GRIN2B: variants seen among roughly 807,000 people sequenced by gnomAD.
GRIN2B encodes the protein glutamate ionotropic receptor NMDA type subunit 2B.
In GRIN2B, 5 loss-of-function variants were observed where a neutral mutation model predicts 114.5. The observed-to-expected ratio is 0.04, with a 90% CI of 0.02 to 0.09. The LOEUF is 0.09. GRIN2B is among the 10% of genes least tolerant of loss of function. GRIN2B has a pLI of 1.00. For synonymous variants in GRIN2B, 787 were observed against 745.1 expected (o/e 1.06, Z -0.92); for missense variants, 1,108 against 1,943.5 (o/e 0.57, Z 8.08).
intron 10 of GRIN2B, among the ~76,000 whole-genome samples, chr12:13,572,412 G>T (rs1948718860): frequency 2.0e-5 from 3 of 152,140 alleles, no homozygotes; most frequent in African/African-American, 7.2e-5. Flanking sequence ...TAGGGCCTTA[G>T]TGAGGTGAGC....
chr12:13,791,535 C>CT, intron 3 of GRIN2B, among the ~76,000 whole-genome samples: 1 of 152,136 alleles, frequency 6.6e-6, no homozygotes, highest in South Asian at 2.1e-4. Context: ...ACAGAATGCA[C>CT]CATGGACAGT....
At chr12:13,929,731 A>T (rs1186271326) in intron 2 of GRIN2B, among the ~76,000 whole-genome samples, 1 of 152,226 alleles carries the variant, frequency 6.6e-6, no homozygotes, top group Non-Finnish European at 1.5e-5. Flanking sequence ...ATTTACAAGC[A>T]GTCATGAAAC....
At chr12:13,699,811 A>AC (rs1950293959) in intron 4 of GRIN2B, among the ~76,000 whole-genome samples, 1 of 147,834 alleles carries the variant, frequency 6.8e-6, no homozygotes, top group African/African-American at 2.5e-5. Context: ...CTGGTCTTGA[A>AC]CTCCTGACCT....
chr12:13,748,887 A>G (rs1405486981), intron 4 of GRIN2B, among the ~76,000 whole-genome samples: 1 of 152,244 alleles, frequency 6.6e-6, no homozygotes, highest in Non-Finnish European at 1.5e-5. Flanking sequence ...AATATGTCCC[A>G]TGCAATATTT....
At chr12:13,750,504 T>C (rs1863464656) in intron 4 of GRIN2B, among the ~76,000 whole-genome samples, 1 of 152,220 alleles carries the variant, frequency 6.6e-6, no homozygotes, top group Admixed American at 6.5e-5. Flanking sequence ...AAGGTAACAT[T>C]CACTTGATTT....
In GRIN2B at chr12:13,540,362, T is replaced by C. The variant is rs1948260911; in HGVS notation, c.*22421A>G. 6.6e-6 allele frequency: 1 copy of C among 152,168 alleles called. No homozygotes were observed. Among genetic ancestry groups the C allele is most frequent in the Non-Finnish European group, 1.5e-5 (1 of 68,038 alleles). The allele number at this position is 152,168 out of a possible 1,614,324, so 9.4% of individuals were successfully genotyped here. ...ACAGCTTTTATACATCACAAAGTTTTTCTTGTTTTTTTATGTTGTCTTTTT... is the reference window on the plus strand; with the variant it reads ...ACAGCTTTTATACATCACAAAGTTTCTCTTGTTTTTTTATGTTGTCTTTTT... On this transcript the variant is annotated 3_prime_UTR_variant, in exon 14 of 14. Transcript: ENST00000609686.
At chr12:13,768,149 C>G (rs1025898928) in intron 3 of GRIN2B, among the ~76,000 whole-genome samples, 4 of 152,206 alleles carry the variant, frequency 2.6e-5, no homozygotes, top group Non-Finnish European at 5.9e-5. Context: ...GATATGTCAA[C>G]TCATCATATC....
chr12:13,965,669 T>C (rs1391833130), intron 2 of GRIN2B, among the ~76,000 whole-genome samples: 2 of 152,200 alleles, frequency 1.3e-5, no homozygotes, highest in Non-Finnish European at 2.9e-5. Flanking sequence ...AGATGGCTTT[T>C]ACTGCTTTCC....
chr12:13,564,706 T>A lies in GRIN2B; in HGVS notation c.2599-67A>T, dbSNP rs576707377. 39 of 1,358,682 alleles carry A rather than the reference T, an allele frequency of 2.9e-5. 1 individual carries two copies. In the East Asian group the frequency reaches 6.6e-4, roughly 23 times the overall value. 84.2% of individuals were successfully genotyped at this position (1,358,682 alleles called of 1,614,324 possible). A position where few individuals can be genotyped will look rare whatever the true frequency, so the allele number is the denominator to read the frequency against. ...CTAGAAATGACCACAAAAAACACTC[T>A]CCCACCAATAATTGCTCCAACTGGA... On this transcript the variant is annotated intron_variant, in intron 13 of 13. Transcript: ENST00000609686. This position sits in a 1 kb window ranked among gnomAD's most constrained non-coding sequence, Gnocchi z 4.8.
At chr12:13,746,151 A>T (rs767731972) in intron 4 of GRIN2B, among the ~76,000 whole-genome samples, 14 of 152,262 alleles carry the variant, frequency 9.2e-5, no homozygotes, top group Non-Finnish European at 2.1e-4. Flanking sequence ...TTTTAAACAG[A>T]GTGATCAGGG....
chr12:13,625,622 T>C (rs1949557634), intron 5 of GRIN2B, among the ~76,000 whole-genome samples: 1 of 152,238 alleles, frequency 6.6e-6, no homozygotes, highest in Admixed American at 6.5e-5. Flanking sequence ...ACATAATTTT[T>C]TGTGCAAGTG....
chr12:13,694,269 G>A (rs2136561277), intron 4 of GRIN2B, among the ~76,000 whole-genome samples: 2 of 152,170 alleles, frequency 1.3e-5, no homozygotes, highest in South Asian at 4.2e-4. Flanking sequence ...TTATACAACT[G>A]TATATTTGGA....
intron 10 of GRIN2B, among the ~76,000 whole-genome samples, chr12:13,603,032 G>GACCCCACTGACCCCCT (rs1462788486): frequency 1.3e-5 from 2 of 152,014 alleles, no homozygotes; most frequent in Admixed American, 6.6e-5. Context: ...TCTGACCCCA[G>GACCCCACTGACCCCCT]ACCCCACTGA....
chr12:13,686,239 T>C (rs1950173599), intron 4 of GRIN2B, among the ~76,000 whole-genome samples: 1 of 152,160 alleles, frequency 6.6e-6, no homozygotes, highest in African/African-American at 2.4e-5. Flanking sequence ...CCATTGATCT[T>C]TTCCAATATT....
At chr12:13,740,076 T>C (rs1863254696) in intron 4 of GRIN2B, among the ~76,000 whole-genome samples, 1 of 152,176 alleles carries the variant, frequency 6.6e-6, no homozygotes, top group Non-Finnish European at 1.5e-5. Context: ...TATATTGGAA[T>C]GGTTCCTTTC....
In GRIN2B at chr12:13,559,530, C is replaced by T. The variant is rs1339089640; in HGVS notation, c.*3253G>A. 6.6e-6 allele frequency: 1 copy of T among 152,136 alleles called. No homozygotes were observed. The highest frequency in any genetic ancestry group is 1.5e-5 in the Non-Finnish European group (1 of 68,028). 9.4% of individuals were successfully genotyped at this position (152,136 alleles called of 1,614,324 possible). Reference sequence around the variant, plus strand: ...AATGAGGACAAGGCAAATAAAGAGCCGCTATTGGCACCATTGCTCACATAC... The same window carrying T: ...AATGAGGACAAGGCAAATAAAGAGCTGCTATTGGCACCATTGCTCACATAC... On this transcript the variant is annotated 3_prime_UTR_variant, in exon 14 of 14. Transcript: ENST00000609686.
intron 3 of GRIN2B, among the ~76,000 whole-genome samples, chr12:13,795,766 G>A (rs1013351202): frequency 6.6e-6 from 1 of 152,186 alleles, no homozygotes; most frequent in Non-Finnish European, 1.5e-5. Context: ...AAAAGGATGA[G>A]TTCACGTCCT....
chr12:13,902,902 G>C (rs974910555), intron 2 of GRIN2B, among the ~76,000 whole-genome samples: 1 of 152,110 alleles, frequency 6.6e-6, no homozygotes. Flanking sequence ...TTTTTAGAAA[G>C]ATTTCTATTA....
At chr12:13,790,746 A>G (rs975873302) in intron 3 of GRIN2B, among the ~76,000 whole-genome samples, 7 of 152,146 alleles carry the variant, frequency 4.6e-5, no homozygotes, top group Non-Finnish European at 8.8e-5. Context: ...TCAGACTTAG[A>G]AAGGAGGCCC....
Sources: gnomAD v4.1 joint callset for allele counts (sites outside exome capture counted in the v4.1 genomes callset) on GRCh38, gnomAD v4.1.1 for gene constraint, Gnocchi (gnomAD v3.1) non-coding constraint, MANE v1.5 for transcripts, NCBI Gene and HGNC (gene_info 2026-07-23, HGNC 2026-07-21) for gene names.